TM9SF3: variants seen among roughly 807,000 people sequenced by gnomAD.
TM9SF3 encodes the protein transmembrane 9 superfamily member 3.
A neutral mutation model predicts 78.6 loss-of-function variants in TM9SF3; 14 were observed. That is an observed-to-expected ratio of 0.18 (90% CI 0.12 to 0.28). The LOEUF is 0.28. Among genes scored for constraint, TM9SF3 ranks in the 10% least tolerant of loss-of-function variants. TM9SF3 has a pLI of 1.00. For missense variants in TM9SF3, 496 were observed against 721.9 expected (o/e 0.69, Z 3.59); for synonymous variants, 231 against 241.7 (o/e 0.96, Z 0.41).
chr10:96,556,796 G>A (rs1471587697), intron 5 of TM9SF3, among the ~76,000 whole-genome samples: 2 of 151,966 alleles, frequency 1.3e-5, no homozygotes, highest in African/African-American at 4.8e-5. Flanking sequence ...CTCTCTTACA[G>A]CAGCTCTGTT....
intron 2 of TM9SF3, among the ~76,000 whole-genome samples, chr10:96,566,367 T>C (rs1256924700): frequency 6.6e-6 from 1 of 152,182 alleles, no homozygotes; most frequent in Non-Finnish European, 1.5e-5. Context: ...ACATAAATTG[T>C]AGCTACATCA....
chr10:96,530,508 C>A (rs779115755), intron 11 of TM9SF3, 32 bp downstream of exon 11: 1 of 1,559,526 alleles, frequency 6.4e-7, no homozygotes, highest in Non-Finnish European at 8.8e-7. Flanking sequence ...TAATCAAATC[C>A]CTCAAAACAT....
chr10:96,568,916 C>T (rs914966271), intron 2 of TM9SF3, among the ~76,000 whole-genome samples: 3 of 152,090 alleles, frequency 2.0e-5, no homozygotes. Flanking sequence ...GCCAAGCGTG[C>T]TGGCTCACAC....
chr10:96,571,774 A>T (rs1233774411), intron 2 of TM9SF3, among the ~76,000 whole-genome samples: 1 of 152,230 alleles, frequency 6.6e-6, no homozygotes, highest in East Asian at 1.9e-4. Flanking sequence ...TCAAGGGAAG[A>T]TCGATAAAAT....
rs548922560 is a variant in TM9SF3, at chr10:96,574,401, G to T, written c.298+2233C>A. Among the ~76,000 whole-genome samples, 9 of 152,220 alleles carry T rather than the reference G, an allele frequency of 5.9e-5. No homozygotes were observed. In the South Asian group the frequency reaches 1.9e-3, roughly 32 times the overall value. ...ACTACCTTATACCAGTTAGAATGGC[G>T]ATCATTAAAAAATCAGGAAACAACA... On this transcript the variant is annotated intron_variant, in intron 2 of 14. Coordinates refer to ENST00000371142, the MANE Select transcript of TM9SF3 (RefSeq NM_020123.4).
intron 9 of TM9SF3, among the ~76,000 whole-genome samples, chr10:96,536,895 A>C (rs868852020): frequency 2.6e-5 from 4 of 152,214 alleles, no homozygotes; most frequent in South Asian, 4.1e-4. Context: ...TCCTGGGCTT[A>C]AGTGATCCTT....
intron 1 of TM9SF3, among the ~76,000 whole-genome samples, chr10:96,584,424 GA>G (rs1848607269): frequency 6.6e-6 from 1 of 152,180 alleles, no homozygotes; most frequent in African/African-American, 2.4e-5. Flanking sequence ...GGCTAACAGT[GA>G]AAAAATAATA....
At chr10:96,533,255 G>A in intron 9 of TM9SF3, 65 bp from the exon 10 acceptor site, 1 of 1,520,608 alleles carries the variant, frequency 6.6e-7, no homozygotes. Context: ...ACAAATAAAA[G>A]AGACACAATT....
At chr10:96,572,375 T>C (rs566249891) in intron 2 of TM9SF3, among the ~76,000 whole-genome samples, 2 of 151,772 alleles carry the variant, frequency 1.3e-5, no homozygotes, top group African/African-American at 4.8e-5. Flanking sequence ...GCTGGATGCA[T>C]CAAGTCTCTC....
chr10:96,544,977 GCT>G (rs1182076058), intron 8 of TM9SF3, among the ~76,000 whole-genome samples: 2 of 151,976 alleles, frequency 1.3e-5, no homozygotes, highest in East Asian at 3.9e-4. Flanking sequence ...TGTTTCATAA[GCT>G]CTCTCTCAGC....
At chr10:96,544,052 A>G in intron 9 of TM9SF3, 24 bp downstream of exon 9, 1 of 1,592,292 alleles carries the variant, frequency 6.3e-7, no homozygotes, top group Non-Finnish European at 8.5e-7. Context: ...TTTTCAGTTT[A>G]AAAGTAAGAT....
chr10:96,563,428 T>C (rs1848333717), intron 3 of TM9SF3, among the ~76,000 whole-genome samples: 1 of 151,648 alleles, frequency 6.6e-6, no homozygotes, highest in Admixed American at 6.6e-5. Context: ...CTGGATAGAG[T>C]GCAAAGGTGC....
In TM9SF3 at chr10:96,547,991, TA is replaced by T; in HGVS notation, c.960-3del. 1 of 1,573,614 alleles carries T rather than the reference TA, an allele frequency of 6.4e-7. No homozygotes were observed. The highest frequency in any genetic ancestry group is 2.0e-5 in the Admixed American group (1 of 51,026). On this transcript the variant is annotated splice_polypyrimidine_tract_variant and splice_region_variant and intron_variant, in intron 7 of 14. Coordinates refer to ENST00000371142, the MANE Select transcript of TM9SF3 (RefSeq NM_020123.4). ...GCTGTACTGAGCATTGATCCCCTCC[TA>T]AAAAGGCAAAAAAGAAAAAAAAAAT... is the stretch of plus-strand genomic sequence containing the variant.
intron 9 of TM9SF3, among the ~76,000 whole-genome samples, chr10:96,537,584 G>A (rs578062469): frequency 1.3e-5 from 2 of 152,312 alleles, no homozygotes; most frequent in African/African-American, 4.8e-5. Flanking sequence ...TGTAATCCCA[G>A]CACTTTGGGA....
chr10:96,554,856 A>G (rs1422717121), intron 5 of TM9SF3, among the ~76,000 whole-genome samples: 2 of 152,166 alleles, frequency 1.3e-5, no homozygotes, highest in Non-Finnish European at 2.9e-5. Flanking sequence ...AATGGTACTA[A>G]CATGTGGCTT....
At chr10:96,525,492 C>T (rs186803016) in intron 14 of TM9SF3, among the ~76,000 whole-genome samples, 2 of 151,964 alleles carry the variant, frequency 1.3e-5, no homozygotes, top group Non-Finnish European at 2.9e-5. Flanking sequence ...ATGAACTGAA[C>T]AGGCTCTTTT....
At chr10:96,552,359 C>T (rs1182063877) in intron 6 of TM9SF3, among the ~76,000 whole-genome samples, 2 of 151,980 alleles carry the variant, frequency 1.3e-5, no homozygotes, top group African/African-American at 4.8e-5. Flanking sequence ...TGAGGTGGCA[C>T]GATCACTTGA....
chr10:96,542,438 T>C (rs1848045413), intron 9 of TM9SF3, among the ~76,000 whole-genome samples: 1 of 152,188 alleles, frequency 6.6e-6, no homozygotes, highest in South Asian at 2.1e-4. Context: ...TCTAATAATT[T>C]GTAATTATTA....
intron 2 of TM9SF3, among the ~76,000 whole-genome samples, chr10:96,571,522 A>G (rs1249767312): frequency 6.6e-6 from 1 of 152,110 alleles, no homozygotes; most frequent in African/African-American, 2.4e-5. Context: ...CCTTTTCCTC[A>G]CCTTTTGGCA....
Sources: gnomAD v4.1 joint callset for allele counts (sites outside exome capture counted in the v4.1 genomes callset) on GRCh38, gnomAD v4.1.1 for gene constraint, MANE v1.5 for transcripts, NCBI Gene and HGNC (gene_info 2026-07-23, HGNC 2026-07-21) for gene names.